The following REV3L variants were observed in gnomAD, a reference collection of about 807,000 sequenced individuals.
The protein encoded by REV3L is REV3 like, DNA directed polymerase zeta catalytic subunit, also known as DNA polymerase zeta catalytic subunit.
A neutral mutation model predicts 299.4 loss-of-function variants in REV3L; 69 were observed. The ratio of observed to expected loss-of-function variants is 0.23; its 90% CI spans 0.19 to 0.28. The LOEUF (loss-of-function observed/expected upper bound fraction) is 0.28, where lower values mean the gene tolerates loss of function less well. Ranked by LOEUF, REV3L falls within the 10% of genes least tolerant of loss-of-function variation. The pLI is 1.00. For synonymous variants in REV3L, 1,238 were observed against 1,271.4 expected (o/e 0.97, Z 0.56); for missense variants, 3,128 against 3,693.8 (o/e 0.85, Z 3.97).
chr6:111,368,654 T>A (rs1369006387), intron 13 of REV3L, among the ~76,000 whole-genome samples: 2 of 152,204 alleles, frequency 1.3e-5, no homozygotes, highest in African/African-American at 4.8e-5. Flanking sequence ...ATGTTACCAA[T>A]GCATGAATAT....
At chr6:111,352,008 C>G (rs463853) in intron 18 of REV3L, among the ~76,000 whole-genome samples, 60,015 of 150,724 alleles carry the variant, frequency 0.4, 14,391 homozygotes, top group Non-Finnish European at 0.54. Context: ...TTGTTTCTTT[C>G]TTTCTTTTTT....
At chr6:111,356,787 C>T (rs1214858131) in intron 18 of REV3L, 6 of 250,012 alleles carry the variant, frequency 2.4e-5, no homozygotes, top group Non-Finnish European at 3.0e-5. Context: ...TTCACTGGCC[C>T]CTCAATCTTG....
rs3049440 is a variant in REV3L, at chr6:111,299,402, TAAAAA to T, written c.*609_*613del. 6.6e-6 allele frequency: 1 copy of T among 151,904 alleles called. No individual in the cohort carries two copies. The highest frequency in any genetic ancestry group is 1.5e-5 in the Non-Finnish European group (1 of 67,864). 9.4% of individuals were successfully genotyped at this position (151,904 alleles called of 1,614,324 possible). A position where few individuals can be genotyped will look rare whatever the true frequency, so the allele number is the denominator to read the frequency against. On this transcript the variant is annotated 3_prime_UTR_variant, in exon 32 of 32. Transcript: ENST00000368802. ...ATAGCTAAAGCAAGACAGCATTTTT[TAAAAA>T]AAAATAATGTTTCAAAATGCTACAC... is the stretch of plus-strand genomic sequence containing the variant.
At chr6:111,425,795 G>A (rs1164866315) in intron 1 of REV3L, among the ~76,000 whole-genome samples, 3 of 152,014 alleles carry the variant, frequency 2.0e-5, no homozygotes, top group African/African-American at 7.2e-5. Context: ...AGAGTTAAAG[G>A]AGAGTATGAG....
intron 25 of REV3L, among the ~76,000 whole-genome samples, chr6:111,324,473 A>T (rs1774519595): frequency 1.3e-5 from 2 of 152,218 alleles, no homozygotes; most frequent in Admixed American, 1.3e-4. Context: ...ACTTTTAAAT[A>T]TGTGAGGAAA....
chr6:111,411,112 TCTCA>T (rs1562270037), intron 3 of REV3L, among the ~76,000 whole-genome samples: 1 of 152,132 alleles, frequency 6.6e-6, no homozygotes, highest in Admixed American at 6.5e-5. Context: ...TCAAAAGCCC[TCTCA>T]CTCTGGACTC....
At chr6:111,390,535 A>T (rs1385985486) in intron 5 of REV3L, among the ~76,000 whole-genome samples, 1 of 152,188 alleles carries the variant, frequency 6.6e-6, no homozygotes, top group Non-Finnish European at 1.5e-5. Context: ...AAAAAACCAT[A>T]CACATATGAA....
intron 1 of REV3L, among the ~76,000 whole-genome samples, chr6:111,475,186 A>C (rs1266521682): frequency 6.6e-6 from 1 of 152,092 alleles, no homozygotes; most frequent in Non-Finnish European, 1.5e-5. Context: ...CAGTACACAT[A>C]GTATTCTCTC....
chr6:111,320,784 G>T (rs1774079353), intron 26 of REV3L, among the ~76,000 whole-genome samples: 1 of 152,110 alleles, frequency 6.6e-6, no homozygotes, highest in Admixed American at 6.5e-5. Context: ...CAAGCAGCTA[G>T]GAGTACAGGT....
intron 19 of REV3L, 65 bp downstream of exon 19, chr6:111,351,611 C>A: frequency 7.8e-7 from 1 of 1,276,574 alleles, no homozygotes; most frequent in Admixed American, 1.9e-5. Flanking sequence ...CTTTAACATT[C>A]TGTCTTTATT....
intron 25 of REV3L, among the ~76,000 whole-genome samples, chr6:111,324,848 T>C (rs114459907): frequency 1.3e-3 from 178 of 138,198 alleles, no homozygotes; most frequent in African/African-American, 4.4e-3. Flanking sequence ...TAGGCCATGA[T>C]TGGGGATGCT....
Position 111,349,331 on chromosome 6 carries a change from T to G in REV3L, c.7306A>C (p.Lys2436Gln), listed in dbSNP as rs770105675. The change falls in exon 20 of 32, where the codon AAA becomes CAA. Residue 2436 changes from lysine (K) to glutamine (Q), a missense_variant. By Grantham distance (53) the Lys-to-Gln change is moderately conservative. Around this residue, in one of 9 missense-constraint regions of REV3L, gnomAD observed 50 missense variants for 48.2 expected, o/e 1.04. Coordinates refer to ENST00000368802, the MANE Select transcript of REV3L (RefSeq NM_001372078.1). ...CRMISRVPDD[K>Q]IENRFAAERD... is the part of the protein sequence containing the mutation. ...TCAGCTGCAAATCTGTTCTCAATTTTGTCATCTATAGAAATGAAAACAGAC... is the reference window on the plus strand; with the variant it reads ...TCAGCTGCAAATCTGTTCTCAATTTGGTCATCTATAGAAATGAAAACAGAC... 2.6e-6 allele frequency: 4 copies of G among 1,549,030 alleles called. No individual in the cohort carries two copies. In the Admixed American group the frequency reaches 6.9e-5, roughly 27 times the overall value.
At chr6:111,333,719 G>A (rs1262432925) in intron 22 of REV3L, among the ~76,000 whole-genome samples, 4 of 151,440 alleles carry the variant, frequency 2.6e-5, no homozygotes, top group African/African-American at 4.9e-5. Context: ...CAGGTGATCC[G>A]CCCACCTCAG....
At chr6:111,399,040 G>A (rs1782815693) in intron 4 of REV3L, among the ~76,000 whole-genome samples, 1 of 152,082 alleles carries the variant, frequency 6.6e-6, no homozygotes, top group South Asian at 2.1e-4. Flanking sequence ...AAACCCTTCT[G>A]AGTACCATTC....
intron 27 of REV3L, 133 bp downstream of exon 27, chr6:111,315,134 G>T: frequency 1.4e-6 from 1 of 711,030 alleles, no homozygotes; most frequent in Non-Finnish European, 2.3e-6. Context: ...ACAGACATGA[G>T]CCAGTGACCC....
At chr6:111,395,729 G>A (rs1236747890) in intron 4 of REV3L, among the ~76,000 whole-genome samples, 1 of 151,988 alleles carries the variant, frequency 6.6e-6, no homozygotes, top group Non-Finnish European at 1.5e-5. Context: ...GTACTATGTT[G>A]AACAGGAGTG....
intron 2 of REV3L, among the ~76,000 whole-genome samples, chr6:111,412,475 G>A (rs1003668325): frequency 1.1e-4 from 16 of 152,128 alleles, no homozygotes; most frequent in African/African-American, 3.1e-4. Flanking sequence ...ATAAACAGGC[G>A]TAAATTTGTG....
intron 11 of REV3L, 37 bp from the exon 12 acceptor site, chr6:111,377,880 T>C: frequency 1.3e-6 from 2 of 1,570,456 alleles, no homozygotes; most frequent in Non-Finnish European, 1.7e-6. Flanking sequence ...AGCATGATCA[T>C]TAGTAAAGAC....
Position 111,373,776 on chromosome 6 carries a change from G to A in REV3L, c.4579C>T (p.Leu1527=). The A allele has an allele frequency of 6.2e-7, 1 of 1,614,058 alleles. No homozygotes were observed. Among genetic ancestry groups the A allele is most frequent in the African/African-American group, 1.3e-5 (1 of 75,034 alleles). ...PSAFGEGQSG[L]AVLKELLQKR... ...TGTAACAATTCTTTTAGAACTGCCA[G>A]TCCAGACTGTCCTTCACCAAATGCT... Residue 1527 remains leucine, a synonymous_variant, in exon 13 of 32, where the codon CTG becomes TTG. Transcript: ENST00000368802.
Sources: allele counts gnomAD v4.1 joint callset (sites outside exome capture counted in the v4.1 genomes callset), GRCh38; gene constraint gnomAD v4.1.1; regional missense constraint gnomAD v4.1.1; transcripts MANE v1.5; gene names NCBI Gene and HGNC (gene_info 2026-07-23, HGNC 2026-07-21).